SMARCA2: variants seen among roughly 807,000 people sequenced by gnomAD.
SMARCA2 encodes SWI/SNF related BAF chromatin remodeling complex subunit ATPase 2, also known as SWI/SNF-related matrix-associated actin-dependent regulator of chromatin subfamily A member 2.
A neutral mutation model predicts 199.8 loss-of-function variants in SMARCA2; 61 were observed. The observed-to-expected ratio is 0.31, with a 90% CI of 0.25 to 0.38. SMARCA2 has a LOEUF of 0.38. Ranked by LOEUF, SMARCA2 falls within the 10% of genes least tolerant of loss-of-function variation. SMARCA2 has a pLI of 1.00. For missense variants in SMARCA2, 1,344 were observed against 2,012.2 expected, an observed-to-expected ratio of 0.67 and a Z score of 6.35; for synonymous variants, 935 against 732.0, an observed-to-expected ratio of 1.28 and a Z score of -4.48.
intron 24 of SMARCA2, among the ~76,000 whole-genome samples, chr9:2,114,008 ATAGAACGTTTAC>A (rs199889224): frequency 0.017 from 2,573 of 152,320 alleles, 38 homozygotes; most frequent in Non-Finnish European, 0.025. Context: ...GCCAGACAGC[ATAGAACGTTTAC>A]TATTGCGCCC....
intron 10 of SMARCA2, among the ~76,000 whole-genome samples, chr9:2,072,393 A>T (rs933528347): frequency 6.6e-6 from 1 of 152,230 alleles, no homozygotes; most frequent in Admixed American, 6.5e-5. Context: ...TTCCTTGGAT[A>T]TAGTAGTCTA....
Position 2,098,062 on chromosome 9 carries a change from A to G in SMARCA2, c.3078+591A>G, listed in dbSNP as rs866875024. Among the ~76,000 whole-genome samples, 10 of 152,340 alleles carry G rather than the reference A, an allele frequency of 6.6e-5. No homozygotes were observed. The Middle Eastern group carries it at 0.017, about 259-fold the overall frequency. ...GGACATTTTCTGCCATGTTCACTCC[A>G]TGTGAATAAGTTTCCTAAATTGACA... On this transcript the variant is annotated intron_variant, in intron 21 of 33. Coordinates refer to ENST00000349721, the MANE Select transcript of SMARCA2 (RefSeq NM_003070.5).
intron 1 of SMARCA2, among the ~76,000 whole-genome samples, chr9:2,026,151 G>T (rs778183071): frequency 6.6e-6 from 1 of 152,166 alleles, no homozygotes. Flanking sequence ...TCAGCTCCCA[G>T]TGAGACATCA....
chr9:2,058,921 T>C (rs1038056416), intron 8 of SMARCA2, among the ~76,000 whole-genome samples: 26 of 152,252 alleles, frequency 1.7e-4, no homozygotes, highest in Admixed American at 7.2e-4. Flanking sequence ...CTTTCTTTTT[T>C]AATGGCAGAA....
chr9:2,104,249 C>T lies in SMARCA2; in HGVS notation c.3292+80C>T. On this transcript the variant is annotated intron_variant, in intron 23 of 33. Coordinates refer to ENST00000349721, the MANE Select transcript of SMARCA2 (RefSeq NM_003070.5). This position sits in a 1 kb window ranked among gnomAD's most constrained non-coding sequence, Gnocchi z 4.0. ...ATGGGCACTTAGGTCCAATCTCAGC[C>T]AAAAAGAAGGGGTAAAATTGAAGAA... The T allele has an allele frequency of 7.8e-7, 1 of 1,275,602 alleles. No individual in the cohort carries two copies. Among genetic ancestry groups the T allele is most frequent in the Non-Finnish European group, 1.1e-6 (1 of 914,574 alleles). The allele number at this position is 1,275,602 out of a possible 1,614,324, so 79.0% of individuals were successfully genotyped here. A position where few individuals can be genotyped will look rare whatever the true frequency, so the allele number is the denominator to read the frequency against.
intron 29 of SMARCA2, among the ~76,000 whole-genome samples, chr9:2,176,828 G>A (rs761123304): frequency 3.7e-4 from 56 of 152,116 alleles, no homozygotes; most frequent in Admixed American, 2.1e-3. Context: ...ATAGGGCGGG[G>A]ATTGCAGGTG....
At chr9:2,166,636 G>A (rs1043644388) in intron 28 of SMARCA2, among the ~76,000 whole-genome samples, 1 of 152,080 alleles carries the variant, frequency 6.6e-6, no homozygotes. Context: ...CTATGTTTAT[G>A]TATCTAAGTT....
chr9:2,088,886 T>TTTTTTTC (rs1283055252), intron 19 of SMARCA2, among the ~76,000 whole-genome samples: 1 of 151,124 alleles, frequency 6.6e-6, no homozygotes, highest in Non-Finnish European at 1.5e-5. Context: ...TAGATTTTTT[T>TTTTTTTC]TTTTTTTTAA....
chr9:2,097,746 T>C (rs1208850671), intron 21 of SMARCA2, among the ~76,000 whole-genome samples: 1 of 152,174 alleles, frequency 6.6e-6, no homozygotes, highest in Non-Finnish European at 1.5e-5. Flanking sequence ...GGCTCACTTG[T>C]GTGGGTTTGG....
Position 2,151,560 on chromosome 9 carries a change from C to T in SMARCA2, c.3982-10126C>T, listed in dbSNP as rs1012654634. Reference sequence around the variant, plus strand: ...CAGCCTGGTCAACACAGTGAAACCCCGTCTTTACTAAAAATACAAAAAAAT... The same window carrying T: ...CAGCCTGGTCAACACAGTGAAACCCTGTCTTTACTAAAAATACAAAAAAAT... On this transcript the variant is annotated intron_variant, in intron 27 of 33. Transcript: ENST00000349721. 4.6e-5 allele frequency among the ~76,000 whole-genome samples: 7 copies of T among 151,854 alleles called. No homozygotes were observed. In the East Asian group the frequency reaches 9.6e-4, roughly 21 times the overall value.
In SMARCA2 at chr9:2,035,415, C is replaced by A. The variant is rs534460976; in HGVS notation, c.355+2334C>A. 6.6e-5 allele frequency among the ~76,000 whole-genome samples: 10 copies of A among 152,308 alleles called. No homozygotes were observed. In the South Asian group the frequency reaches 2.1e-3, roughly 32 times the overall value. On this transcript the variant is annotated intron_variant, in intron 3 of 33. Transcript: ENST00000349721. Reference sequence around the variant, plus strand: ...AGTGATTCTTGAAGCCAGGTGCTTACTTTTTCTGCTCCTGTTGTTGCAGTA... The same window carrying A: ...AGTGATTCTTGAAGCCAGGTGCTTAATTTTTCTGCTCCTGTTGTTGCAGTA...
intron 8 of SMARCA2, among the ~76,000 whole-genome samples, chr9:2,058,699 G>T (rs190347477): frequency 6.6e-6 from 1 of 152,276 alleles, no homozygotes; most frequent in Non-Finnish European, 1.5e-5. Context: ...TCCTGGGGTG[G>T]CATTGCGCGG....
At chr9:2,111,723 A>C (rs370448507) in intron 24 of SMARCA2, among the ~76,000 whole-genome samples, 1 of 152,090 alleles carries the variant, frequency 6.6e-6, no homozygotes, top group Non-Finnish European at 1.5e-5. Context: ...AAAAATATGC[A>C]TGCCTGCTTT....
intron 1 of SMARCA2, among the ~76,000 whole-genome samples, chr9:2,019,887 G>A (rs1049676325): frequency 6.6e-6 from 1 of 151,452 alleles, no homozygotes; most frequent in African/African-American, 2.4e-5. Flanking sequence ...TAGGTCAGCA[G>A]CTTTTTGATA....
intron 19 of SMARCA2, among the ~76,000 whole-genome samples, chr9:2,095,374 G>A (rs7865771): frequency 0.46 from 70,203 of 151,782 alleles, 19,565 homozygotes; most frequent in African/African-American, 0.79. Context: ...GTGAGCCACC[G>A]CACCGGGCCA....
At chr9:2,082,417 A>G (rs1305865781) in intron 15 of SMARCA2, among the ~76,000 whole-genome samples, 3 of 152,012 alleles carry the variant, frequency 2.0e-5, no homozygotes, top group Non-Finnish European at 4.4e-5. Flanking sequence ...TCCTTTTAAA[A>G]GCAGAACATA....
At chr9:2,188,030 C>T (rs1035040589) in intron 32 of SMARCA2, among the ~76,000 whole-genome samples, 1 of 151,838 alleles carries the variant, frequency 6.6e-6, no homozygotes. Context: ...CGTTTTTTTA[C>T]CTTTTCAAAT....
intron 24 of SMARCA2, among the ~76,000 whole-genome samples, chr9:2,113,795 T>C (rs1384135587): frequency 6.6e-6 from 1 of 152,212 alleles, no homozygotes; most frequent in African/African-American, 2.4e-5. Context: ...CCCCCTGCAA[T>C]TAGTATTTTT....
intron 8 of SMARCA2, among the ~76,000 whole-genome samples, chr9:2,059,484 A>G (rs996948834): frequency 6.6e-5 from 10 of 152,184 alleles, no homozygotes; most frequent in Non-Finnish European, 1.5e-5. Flanking sequence ...TTTTGTAGTA[A>G]TTTGATCACT....
Sources: allele counts gnomAD v4.1 joint callset (sites outside exome capture counted in the v4.1 genomes callset), GRCh38; gene constraint gnomAD v4.1.1; non-coding constraint Gnocchi (gnomAD v3.1); transcripts MANE v1.5; gene names NCBI Gene and HGNC (gene_info 2026-07-23, HGNC 2026-07-21).